Variants in TRIM42 observed in about 807,000 individuals in gnomAD.
TRIM42 encodes tripartite motif containing 42, also known as tripartite motif-containing protein 42.
In TRIM42, 59 loss-of-function variants were observed where a neutral mutation model predicts 64.9. That is an observed-to-expected ratio of 0.91 (90% CI 0.74 to 1.13). The LOEUF is 1.13. TRIM42 is among the 50% of genes most tolerant of loss of function. TRIM42 has a pLI of 0.00. For synonymous variants in TRIM42, 354 were observed against 346.3 expected, an observed-to-expected ratio of 1.02 and a Z score of -0.25; for missense variants, 878 against 929.5, an observed-to-expected ratio of 0.94 and a Z score of 0.72.
chr3:140,692,562 C>CACACACAG (rs375439126), intron 4 of TRIM42, among the ~76,000 whole-genome samples: 24,814 of 113,776 alleles, frequency 0.22, 3,162 homozygotes, highest in East Asian at 0.35. Context: ...CACACACACA[C>CACACACAG]AGAGAGAGAT....
intron 4 of TRIM42, 67 bp from the exon 5 acceptor site, chr3:140,700,821 C>T: frequency 1.5e-5 from 22 of 1,446,406 alleles, no homozygotes; most frequent in Non-Finnish European, 1.9e-5. Context: ...GTCTGACATG[C>T]AGAAGGGCCC....
At chr3:140,678,945 GAAGTT>G (rs1265896546) in intron 1 of TRIM42, among the ~76,000 whole-genome samples, 5 of 152,116 alleles carry the variant, frequency 3.3e-5, no homozygotes. Context: ...GATCCTTTGA[GAAGTT>G]AAGTAGCCCC....
chr3:140,687,696 A>G, intron 2 of TRIM42, 26 bp from the exon 3 acceptor site: 3 of 1,560,762 alleles, frequency 1.9e-6, no homozygotes, highest in Non-Finnish European at 2.6e-6. Flanking sequence ...AAAATTTTAA[A>G]AGTAACTAAC....
At chr3:140,684,412 C>A (rs1988496881) in intron 2 of TRIM42, among the ~76,000 whole-genome samples, 1 of 152,172 alleles carries the variant, frequency 6.6e-6, no homozygotes, top group Non-Finnish European at 1.5e-5. Context: ...CAGTCAGTTA[C>A]CAAAGTGCAC....
intron 1 of TRIM42, 32 bp downstream of exon 1, chr3:140,678,602 T>C (rs983359834): frequency 2.5e-6 from 4 of 1,575,726 alleles, no homozygotes; most frequent in Admixed American, 1.7e-5. Flanking sequence ...TGGGGCCGCA[T>C]TGGGTCATGA....
At chr3:140,682,402 A>G in intron 1 of TRIM42, 60 bp from the exon 2 acceptor site, 7 of 1,516,336 alleles carry the variant, frequency 4.6e-6, no homozygotes, top group Non-Finnish European at 5.4e-6. Flanking sequence ...TCAGAGGTAG[A>G]GAAGCAGAGC....
At chr3:140,681,155 T>C (rs1243156674) in intron 1 of TRIM42, among the ~76,000 whole-genome samples, 2 of 152,208 alleles carry the variant, frequency 1.3e-5, no homozygotes, top group Non-Finnish European at 2.9e-5. Context: ...ATATATGAAA[T>C]CAGCCTCAGG....
chr3:140,684,908 A>G (rs547543434), intron 2 of TRIM42, among the ~76,000 whole-genome samples: 1 of 152,266 alleles, frequency 6.6e-6, no homozygotes, highest in Non-Finnish European at 1.5e-5. Flanking sequence ...TTAATACAGG[A>G]GAAACTTAGG....
At chr3:140,688,593 A>G (rs573395504) in intron 3 of TRIM42, 51 bp downstream of exon 3, 1 of 1,416,758 alleles carries the variant, frequency 7.1e-7, no homozygotes. Context: ...TGGGGCACAG[A>G]GTAGAAGTGA....
Position 140,688,509 on chromosome 3 carries a change from C to A in TRIM42, c.1827C>A (p.Ile609=), listed in dbSNP as rs779318987. Residue 609 remains isoleucine (I), a synonymous_variant, in exon 3 of 5, where the codon ATC becomes ATA. Transcript: ENST00000286349. The part of the protein sequence containing the change: ...GSVKTPGPIV[I]YQTLVYPRAA... ...TGAAGACCCCAGGCCCAATTGTTAT[C>A]TACCAGACTCTGGTGTACCCAAGAG... The A allele has an allele frequency of 6.2e-7, 1 of 1,613,214 alleles. No individual in the cohort carries two copies. The highest frequency in any genetic ancestry group is 8.5e-7 in the Non-Finnish European group (1 of 1,179,492).
At position 140,678,507 on chromosome 3, in the gene TRIM42, G is replaced by A. The variant is rs765882697; in HGVS notation, c.278G>A (p.Ser93Asn). ...AATCTCAACTGCTACTACTATGAGAGCCGCTGCTGCCGCAATACCATCATC... is the reference window on the plus strand; with the variant it reads ...AATCTCAACTGCTACTACTATGAGAACCGCTGCTGCCGCAATACCATCATC... ...SSNLNCYYYE[S>N]RCCRNTIITF... The change falls in exon 1 of 5, where the codon AGC becomes AAC. Residue 93 changes from serine (S) to asparagine (N), a missense_variant. Ser to Asn is a conservative substitution (Grantham distance 46). Transcript: ENST00000286349. The A allele has an allele frequency of 1.1e-5, 17 of 1,614,066 alleles. 1 individual carries two copies. Among genetic ancestry groups the A allele is most frequent in the Middle Eastern group, 3.3e-4 (2 of 6,062 alleles).
At chr3:140,687,180 G>A (rs961782318) in intron 2 of TRIM42, among the ~76,000 whole-genome samples, 2 of 152,134 alleles carry the variant, frequency 1.3e-5, no homozygotes, top group Admixed American at 6.5e-5. Context: ...GGACAAAGGG[G>A]GGAAAAGGGC....
At position 140,690,403 on chromosome 3, in the gene TRIM42, T is replaced by C. The variant is rs184750551; in HGVS notation, c.1861-565T>C. 6.2e-4 allele frequency among the ~76,000 whole-genome samples: 94 copies of C among 151,592 alleles called. No homozygotes were observed. In the East Asian group the frequency reaches 0.017, roughly 27 times the overall value. On this transcript the variant is annotated intron_variant, in intron 3 of 4. Coordinates refer to ENST00000286349, the MANE Select transcript of TRIM42 (RefSeq NM_152616.5). ...TAGAAACAACATAAATGTTCAACAA[T>C]AGAAGGATTAAATTATTTTGGGAGA...
chr3:140,693,546 A>T (rs1012515926), intron 4 of TRIM42, among the ~76,000 whole-genome samples: 1 of 152,228 alleles, frequency 6.6e-6, no homozygotes, highest in Non-Finnish European at 1.5e-5. Context: ...TGAAAATAAG[A>T]TGTGTGTTTG....
At position 140,682,820 on chromosome 3, in the gene TRIM42, G is replaced by C. The variant is rs745628012; in HGVS notation, c.700G>C (p.Gly234Arg). ...YLKWRFDRSS[G>R]PILCQVCRNK... Reference sequence around the variant, plus strand: ...CAAGTGGCGCTTTGACCGCTCCTCCGGGCCCATCCTCTGCCAGGTCTGCCG... The same window carrying C: ...CAAGTGGCGCTTTGACCGCTCCTCCCGGCCCATCCTCTGCCAGGTCTGCCG... The change falls in exon 2 of 5, where the codon GGG (glycine) becomes CGG (arginine). Residue 234 changes from glycine to arginine, a missense_variant. Coordinates refer to ENST00000286349, the MANE Select transcript of TRIM42 (RefSeq NM_152616.5). 4 of 1,613,948 alleles carry C rather than the reference G, an allele frequency of 2.5e-6. No individual in the cohort carries two copies. The highest frequency in any genetic ancestry group is 1.7e-6 in the Non-Finnish European group (2 of 1,179,988).
Position 140,688,190 on chromosome 3 carries a change from C to G in TRIM42, c.1508C>G (p.Ser503Cys). The change falls in exon 3 of 5, where the codon TCC becomes TGC. Residue 503 changes from serine (S) to cysteine (C), a missense_variant. Transcript: ENST00000286349. ...AAGAAGGTACGCTCCTCAGGGGACT[C>G]CCTGCCCTCCCCCTACCCCGTGCAC... Reference protein sequence around the residue: ...GPKKVRSSGDSLPSPYPVHSE... With the variant: ...GPKKVRSSGDCLPSPYPVHSE... 2 of 1,614,204 alleles carry G rather than the reference C, an allele frequency of 1.2e-6. No homozygotes were observed. Among genetic ancestry groups the G allele is most frequent in the Non-Finnish European group, 1.7e-6 (2 of 1,180,024 alleles).
At chr3:140,683,215 A>G (rs1490924599) in intron 2 of TRIM42, 56 bp downstream of exon 2, 1 of 1,573,720 alleles carries the variant, frequency 6.4e-7, no homozygotes, top group Non-Finnish European at 8.7e-7. Context: ...CACATGGGGA[A>G]GATGGCGTGG....
intron 2 of TRIM42, among the ~76,000 whole-genome samples, chr3:140,685,494 T>C (rs1281543185): frequency 1.3e-5 from 2 of 152,192 alleles, no homozygotes; most frequent in Non-Finnish European, 2.9e-5. Flanking sequence ...AAATGCAGAA[T>C]CTCAGGACCC....
In TRIM42 at chr3:140,680,483, ACTT is replaced by A. The variant is rs759687195; in HGVS notation, c.341+1920_341+1922del. 3.6e-4 allele frequency among the ~76,000 whole-genome samples: 54 copies of A among 151,402 alleles called. 1 individual carries two copies. Among genetic ancestry groups the A allele is most frequent in the African/African-American group, 1.2e-3 (48 of 41,202 alleles). Reference sequence around the variant, plus strand: ...TCATCCTCCAACACCTCCCTCCCCCACTTCTTCTTTCTTTTTTGTGAAAATGCT... The same window carrying A: ...TCATCCTCCAACACCTCCCTCCCCCACTTCTTTCTTTTTTGTGAAAATGCT... On this transcript the variant is annotated intron_variant, in intron 1 of 4. Transcript: ENST00000286349.
Sources: gnomAD v4.1 joint callset for allele counts (sites outside exome capture counted in the v4.1 genomes callset) on GRCh38, gnomAD v4.1.1 for gene constraint, MANE v1.5 for transcripts, NCBI Gene and HGNC (gene_info 2026-07-23, HGNC 2026-07-21) for gene names.